Variants in RAPGEF4 observed in about 807,000 individuals in gnomAD.
The protein encoded by RAPGEF4 is RAP guanine-nucleotide-exchange factor (GEF) 4.
A neutral mutation model predicts 147.9 loss-of-function variants in RAPGEF4; 66 were observed. The ratio of observed to expected loss-of-function variants is 0.45; its 90% CI spans 0.37 to 0.55. RAPGEF4 has a LOEUF of 0.55. Ranked by LOEUF, RAPGEF4 falls within the 20% of genes least tolerant of loss-of-function variation. The probability of loss-of-function intolerance (pLI) is 0.00; values close to 1 mark genes in which losing one functional copy is unlikely to be tolerated. For synonymous variants in RAPGEF4, 419 were observed against 442.7 expected, an observed-to-expected ratio of 0.95 and a Z score of 0.67; for missense variants, 1,071 against 1,257.3, an observed-to-expected ratio of 0.85 and a Z score of 2.24.
In RAPGEF4 at chr2:172,969,842, T is replaced by C. The variant is rs972891111; in HGVS notation, c.1004+2398T>C. Among the ~76,000 whole-genome samples the C allele has an allele frequency of 2.0e-5, 3 of 152,200 alleles. No individual in the cohort carries two copies. The East Asian group carries it at 5.8e-4, about 29-fold the overall frequency. ...GGGAGTCGCTGCTTGTGCTTCCTTT[T>C]ATTGTCCATACACCATTGAATCGCA... On this transcript the variant is annotated intron_variant, in intron 10 of 30. Coordinates refer to ENST00000397081, the MANE Select transcript of RAPGEF4 (RefSeq NM_007023.4).
At chr2:172,825,810 T>C (rs1304934703) in intron 4 of RAPGEF4, among the ~76,000 whole-genome samples, 1 of 152,220 alleles carries the variant, frequency 6.6e-6, no homozygotes, top group Non-Finnish European at 1.5e-5. Flanking sequence ...CTTACCTTCA[T>C]TTATAGTGGA....
chr2:172,808,848 TC>T (rs1687747200), intron 3 of RAPGEF4, among the ~76,000 whole-genome samples: 2 of 152,340 alleles, frequency 1.3e-5, no homozygotes, highest in South Asian at 4.1e-4. Context: ...CAGGGGATTT[TC>T]CCTGCTGAGC....
At chr2:172,875,289 C>T (rs1265964877) in intron 4 of RAPGEF4, among the ~76,000 whole-genome samples, 33 of 152,054 alleles carry the variant, frequency 2.2e-4, no homozygotes, top group East Asian at 7.7e-4. Context: ...TTGTTGCCAT[C>T]GCTTTTGGTG....
intron 4 of RAPGEF4, among the ~76,000 whole-genome samples, chr2:172,856,543 A>G (rs1693433437): frequency 6.6e-6 from 1 of 152,198 alleles, no homozygotes. Flanking sequence ...GAATACTGTC[A>G]TATGCCTTTA....
At chr2:172,849,292 A>G (rs950987249) in intron 4 of RAPGEF4, among the ~76,000 whole-genome samples, 1 of 152,246 alleles carries the variant, frequency 6.6e-6, no homozygotes, top group Non-Finnish European at 1.5e-5. Flanking sequence ...TAGTTTAAAT[A>G]TCTCCAGCTT....
chr2:172,933,258 T>C (rs1404686981), intron 6 of RAPGEF4, among the ~76,000 whole-genome samples: 1 of 151,540 alleles, frequency 6.6e-6, no homozygotes, highest in Non-Finnish European at 1.5e-5. Context: ...AGTGGAGGGG[T>C]GGAAAGTGTT....
chr2:172,800,844 G>C (rs977183937), intron 3 of RAPGEF4, among the ~76,000 whole-genome samples: 1 of 152,164 alleles, frequency 6.6e-6, no homozygotes, highest in Non-Finnish European at 1.5e-5. Context: ...GCAACATCTA[G>C]ATTAGTATTT....
chr2:172,771,609 A>C (rs1048799505), intron 1 of RAPGEF4, among the ~76,000 whole-genome samples: 6 of 151,984 alleles, frequency 3.9e-5, no homozygotes, highest in Non-Finnish European at 7.4e-5. Context: ...AATTCTTTTT[A>C]TTTTTATTTT....
At chr2:173,015,786 A>G (rs905076090) in intron 18 of RAPGEF4, among the ~76,000 whole-genome samples, 1 of 152,200 alleles carries the variant, frequency 6.6e-6, no homozygotes, top group African/African-American at 2.4e-5. Context: ...AACTCATCAT[A>G]AATTCGCTAC....
At chr2:172,902,760 C>T (rs1264685143) in intron 4 of RAPGEF4, among the ~76,000 whole-genome samples, 3 of 152,130 alleles carry the variant, frequency 2.0e-5, no homozygotes, top group Admixed American at 6.5e-5. Context: ...AGAACATACC[C>T]TGCAGAGAAA....
At chr2:172,789,491 C>T (rs1038398596) in intron 1 of RAPGEF4, among the ~76,000 whole-genome samples, 1 of 150,370 alleles carries the variant, frequency 6.7e-6, no homozygotes, top group Non-Finnish European at 1.5e-5. Flanking sequence ...TGAGATCTAC[C>T]CTCTGAACCA....
At chr2:172,783,771 TGTGA>T (rs1319250154) in intron 1 of RAPGEF4, among the ~76,000 whole-genome samples, 5 of 144,478 alleles carry the variant, frequency 3.5e-5, no homozygotes, top group African/African-American at 5.2e-5. Context: ...TGTGTGTATG[TGTGA>T]GTGTGTGTGT....
intron 10 of RAPGEF4, among the ~76,000 whole-genome samples, chr2:172,981,871 G>A (rs1192629346): frequency 6.6e-6 from 1 of 152,212 alleles, no homozygotes; most frequent in Non-Finnish European, 1.5e-5. Context: ...AATCAGCTAA[G>A]TTTCAGATGT....
chr2:172,923,938 G>A (rs1342943899), intron 6 of RAPGEF4, among the ~76,000 whole-genome samples: 1 of 152,074 alleles, frequency 6.6e-6, no homozygotes, highest in East Asian at 1.9e-4. Context: ...CCCTTCTTCA[G>A]TGAACCTTGC....
intron 7 of RAPGEF4, 95 bp from the exon 8 acceptor site, chr2:172,961,027 G>A: frequency 9.7e-7 from 1 of 1,025,748 alleles, no homozygotes; most frequent in Non-Finnish European, 1.5e-6. Flanking sequence ...CCAAGCCAGA[G>A]TCAGATTGGA....
intron 4 of RAPGEF4, among the ~76,000 whole-genome samples, chr2:172,865,708 G>C (rs923184740): frequency 5.3e-5 from 8 of 151,890 alleles, no homozygotes; most frequent in Non-Finnish European, 1.0e-4. Context: ...CTGTCTTGGT[G>C]TTGGCCACTC....
intron 14 of RAPGEF4, among the ~76,000 whole-genome samples, chr2:172,990,291 C>T (rs1278265386): frequency 3.3e-5 from 5 of 152,184 alleles, no homozygotes; most frequent in African/African-American, 1.2e-4. Context: ...GGACCATTAT[C>T]ATTGATGTAA....
At chr2:172,871,242 C>A (rs975135742) in intron 4 of RAPGEF4, among the ~76,000 whole-genome samples, 2 of 152,138 alleles carry the variant, frequency 1.3e-5, no homozygotes, top group Non-Finnish European at 1.5e-5. Flanking sequence ...TAGTGTGTTG[C>A]TCAAAGGGAA....
chr2:172,759,935 C>A (rs1696135135), intron 1 of RAPGEF4, among the ~76,000 whole-genome samples: 2 of 152,136 alleles, frequency 1.3e-5, no homozygotes, highest in Non-Finnish European at 2.9e-5. Flanking sequence ...TGGCTTGGGC[C>A]CTCTCTATCT....
Sources: allele counts gnomAD v4.1 joint callset (sites outside exome capture counted in the v4.1 genomes callset), GRCh38; gene constraint gnomAD v4.1.1; transcripts MANE v1.5; gene names NCBI Gene and HGNC (gene_info 2026-07-23, HGNC 2026-07-21).